The following ARHGAP6 variants were observed in gnomAD, a reference collection of about 807,000 sequenced individuals.
ARHGAP6 encodes rho GTPase-activating protein 6.
In ARHGAP6, 16 loss-of-function variants were observed where a neutral mutation model predicts 55.7. The observed-to-expected ratio is 0.29, with a 90% confidence interval of 0.19 to 0.44. The LOEUF (loss-of-function observed/expected upper bound fraction) is 0.44. Among genes scored for constraint, ARHGAP6 ranks in the 20% least tolerant of loss-of-function variants. The pLI is 1.00. For synonymous variants in ARHGAP6, 382 were observed against 360.9 expected, an observed-to-expected ratio of 1.06 and a Z score of -0.66; for missense variants, 698 against 808.9, an observed-to-expected ratio of 0.86 and a Z score of 1.66.
chrX:11,145,868 G>T (rs754749433), intron 10 of ARHGAP6, among the ~76,000 whole-genome samples: 1 of 112,591 alleles, frequency 8.9e-6, no homozygotes, highest in East Asian at 2.8e-4. Flanking sequence ...TCAGGGTGGG[G>T]CCAGCAAATT....
At chrX:11,472,121 A>G (rs769404678) in intron 1 of ARHGAP6, among the ~76,000 whole-genome samples, 8 of 111,239 alleles carry the variant, frequency 7.2e-5, no homozygotes, top group African/African-American at 9.8e-5. Flanking sequence ...CCACCTTGGC[A>G]CTACTGACAC....
chrX:11,501,532 A>G (rs1018544954), intron 1 of ARHGAP6, among the ~76,000 whole-genome samples: 6 of 111,733 alleles, frequency 5.4e-5, no homozygotes, highest in African/African-American at 2.0e-4. Flanking sequence ...TTTGAACAAC[A>G]TGAGAGGAGT....
intron 1 of ARHGAP6, among the ~76,000 whole-genome samples, chrX:11,434,670 C>G (rs940409487): frequency 1.8e-5 from 2 of 111,480 alleles, no homozygotes; most frequent in African/African-American, 3.3e-5. Flanking sequence ...CCCCTCCCCC[C>G]GCCAACTAAT....
chrX:11,174,547 TTCCTTCCTTCCTTCCTTCCTTCCTTC>T (rs2046144258), intron 8 of ARHGAP6, among the ~76,000 whole-genome samples: 1 of 79,220 alleles, frequency 1.3e-5, no homozygotes, highest in African/African-American at 4.4e-5. Context: ...CCTTCCTTCC[TTCCTTCCTTCCTTCCTTCCTTCCTTC>T]CTTTCTTTCT....
intron 1 of ARHGAP6, among the ~76,000 whole-genome samples, chrX:11,650,206 AGGCT>A (rs1233389547): frequency 2.7e-5 from 3 of 110,638 alleles, no homozygotes; most frequent in African/African-American, 9.9e-5. Flanking sequence ...TATGTTACCC[AGGCT>A]GGTCTCAAAC....
rs148940417 is a variant in ARHGAP6, at chrX:11,329,338, T to C, written c.589-74631A>G. 5.0e-3 allele frequency among the ~76,000 whole-genome samples: 559 copies of C among 111,865 alleles called. 3 individuals are homozygous for C. The highest frequency in any genetic ancestry group is 0.017 in the African/African-American group (532 of 30,764). ...GGCTTGGGTATTCAACAGTTTGACA[T>C]ACTTAGCTGTAGCAGCAGCCACAGT... is the stretch of plus-strand genomic sequence containing the variant. On this transcript the variant is annotated intron_variant, in intron 1 of 12. Coordinates refer to ENST00000337414, the MANE Select transcript of ARHGAP6 (RefSeq NM_013427.3).
At chrX:11,451,235 T>C (rs1290814175) in intron 1 of ARHGAP6, among the ~76,000 whole-genome samples, 1 of 112,067 alleles carries the variant, frequency 8.9e-6, no homozygotes, top group African/African-American at 3.2e-5. Flanking sequence ...CACCAAGATG[T>C]GGCTTTTCTT....
chrX:11,468,958 A>AAT (rs2050322435), intron 1 of ARHGAP6, among the ~76,000 whole-genome samples: 1 of 112,471 alleles, frequency 8.9e-6, no homozygotes, highest in Non-Finnish European at 1.9e-5. Context: ...TAAAGACACT[A>AAT]ATGTAGAAGA....
intron 8 of ARHGAP6, among the ~76,000 whole-genome samples, chrX:11,174,584 TTC>T (rs1366551800): frequency 2.7e-4 from 25 of 91,846 alleles, no homozygotes; most frequent in Middle Eastern, 6.3e-3. Context: ...CTTTCTTTCT[TTC>T]TTTCTTTTTC....
intron 1 of ARHGAP6, among the ~76,000 whole-genome samples, chrX:11,413,128 C>T (rs1055232015): frequency 3.6e-4 from 40 of 112,233 alleles, no homozygotes; most frequent in African/African-American, 1.2e-3. Flanking sequence ...CTGTTCTGTG[C>T]CCCGACCTAC....
intron 1 of ARHGAP6, among the ~76,000 whole-genome samples, chrX:11,257,762 G>A (rs972275852): frequency 9.0e-6 from 1 of 111,531 alleles, no homozygotes; most frequent in African/African-American, 3.3e-5. Flanking sequence ...CAGAGATTGT[G>A]GTACTAGAAG....
At chrX:11,348,478 T>C (rs550178743) in intron 1 of ARHGAP6, among the ~76,000 whole-genome samples, 36 of 111,812 alleles carry the variant, frequency 3.2e-4, no homozygotes, top group African/African-American at 1.1e-3. Flanking sequence ...GTTCTTTCTC[T>C]GTGCCTCCAG....
At chrX:11,460,434 A>C (rs1331048434) in intron 1 of ARHGAP6, among the ~76,000 whole-genome samples, 3 of 111,676 alleles carry the variant, frequency 2.7e-5, no homozygotes, top group Admixed American at 9.5e-5. Context: ...GGACCCTTGT[A>C]TGACCCTGTA....
intron 1 of ARHGAP6, among the ~76,000 whole-genome samples, chrX:11,518,429 C>A (rs1289596693): frequency 9.2e-6 from 1 of 108,210 alleles, no homozygotes; most frequent in Non-Finnish European, 1.9e-5. Flanking sequence ...CAGGCATGAG[C>A]CACTGTGCCT....
At chrX:11,364,160 C>A (rs73498713) in intron 1 of ARHGAP6, among the ~76,000 whole-genome samples, 6,139 of 110,273 alleles carry the variant, frequency 0.056, 197 homozygotes, top group African/African-American at 0.12. Context: ...ATTTAGTACA[C>A]ATGGATACAA....
chrX:11,537,282 G>A (rs1248389983), intron 1 of ARHGAP6, among the ~76,000 whole-genome samples: 6 of 112,085 alleles, frequency 5.4e-5, no homozygotes, highest in Admixed American at 3.8e-4. Context: ...GCAATGTCTT[G>A]AGACATTTTT....
intron 10 of ARHGAP6, among the ~76,000 whole-genome samples, chrX:11,153,524 CAAAA>C (rs55669123): frequency 1.5e-4 from 3 of 20,117 alleles, no homozygotes; most frequent in African/African-American, 6.2e-4. Flanking sequence ...GACTCGATCT[CAAAA>C]AAAAAAAAAA....
chrX:11,311,655 G>A (rs2048302609), intron 1 of ARHGAP6, among the ~76,000 whole-genome samples: 1 of 111,444 alleles, frequency 9.0e-6, no homozygotes, highest in Non-Finnish European at 1.9e-5. Flanking sequence ...GAAAAATGTC[G>A]ATCAAAGTGT....
intron 1 of ARHGAP6, among the ~76,000 whole-genome samples, chrX:11,644,161 C>A (rs951402413): frequency 7.2e-5 from 8 of 111,196 alleles, no homozygotes; most frequent in Non-Finnish European, 9.4e-5. Context: ...AGATATTGGG[C>A]AGCTAGCTAA....
Sources: allele counts gnomAD v4.1 joint callset (sites outside exome capture counted in the v4.1 genomes callset), GRCh38; gene constraint gnomAD v4.1.1; transcripts MANE v1.5; gene names NCBI Gene and HGNC (gene_info 2026-07-23, HGNC 2026-07-21).